The following POU4F2 variants were observed in gnomAD, a reference collection of about 807,000 sequenced individuals.
POU4F2 encodes the protein POU class 4 homeobox 2, also known as POU domain, class 4, transcription factor 2.
Under a neutral mutation model 21.5 loss-of-function variants are expected in POU4F2, and 10 were observed. That is an observed-to-expected ratio of 0.46 (90% CI 0.29 to 0.79). POU4F2 has a LOEUF of 0.79. Ranked by LOEUF, POU4F2 falls within the 30% of genes least tolerant of loss-of-function variation. The pLI is 0.10. For synonymous variants in POU4F2, 324 were observed against 271.1 expected, an observed-to-expected ratio of 1.20 and a Z score of -1.92; for missense variants, 623 against 603.3, an observed-to-expected ratio of 1.03 and a Z score of -0.34.
In POU4F2 at chr4:146,639,345, C is replaced by G. The variant is rs773402503; in HGVS notation, c.205C>G (p.Arg69Gly). The part of the protein sequence containing the change: ...GGGGGGGGGG[R>G]SSSSSSSGSS... ...CGGCGGCGGCGGCGGCGGCGGAGGC[C>G]GAAGCAGCAGCTCCAGCAGCAGTGG... Residue 69 changes from arginine (R) to glycine (G), a missense_variant, in exon 1 of 2, where the codon CGA becomes GGA. Around this residue, in one of 3 missense-constraint regions of POU4F2, gnomAD observed 523 missense variants for 504.1 expected, o/e 1.04. Coordinates refer to ENST00000281321, the MANE Select transcript of POU4F2 (RefSeq NM_004575.3). 4 of 1,325,496 alleles carry G rather than the reference C, an allele frequency of 3.0e-6. No homozygotes were observed. Among genetic ancestry groups the G allele is most frequent in the African/African-American group, 1.6e-5 (1 of 60,828 alleles). The allele number at this position is 1,325,496 out of a possible 1,614,324, so 82.1% of individuals were successfully genotyped here. A position where few individuals can be genotyped will look rare whatever the true frequency, so the allele number is the denominator to read the frequency against.
At position 146,639,172 on chromosome 4, in the gene POU4F2, CGTT is replaced by C; in HGVS notation, c.33_35del (p.Phe12del). On this transcript the variant is annotated inframe_deletion, in exon 1 of 2. Transcript: ENST00000281321. ...ATGATGTCCCTGAACAGCAAGCAGGCGTTTAGCATGCCGCACGGCGGCAGCCTG... is the reference window on the plus strand; with the variant it reads ...ATGATGTCCCTGAACAGCAAGCAGGCTAGCATGCCGCACGGCGGCAGCCTG... 6.2e-7 allele frequency: 1 copy of C among 1,607,550 alleles called. No homozygotes were observed. The highest frequency in any genetic ancestry group is 8.5e-7 in the Non-Finnish European group (1 of 1,177,630).
Position 146,640,356 on chromosome 4 carries a change from G to T in POU4F2, c.778G>T (p.Ala260Ser). The change falls in exon 2 of 2, where the codon GCA becomes TCA. Residue 260 changes from alanine to serine, a missense_variant. By Grantham distance (99) the Ala-to-Ser change is moderately conservative. Around this residue, in one of 3 missense-constraint regions of POU4F2, gnomAD observed 523 missense variants for 504.1 expected, o/e 1.04. Transcript: ENST00000281321. This position sits in a 1 kb window ranked among gnomAD's most constrained non-coding sequence, Gnocchi z 4.8. Reference protein sequence around the residue: ...DVDADPRDLEAFAERFKQRRI... With the variant: ...DVDADPRDLESFAERFKQRRI... ...GGACGCCGACCCGCGGGACCTGGAGGCATTCGCCGAGCGCTTCAAGCAGCG... is the reference window on the plus strand; with the variant it reads ...GGACGCCGACCCGCGGGACCTGGAGTCATTCGCCGAGCGCTTCAAGCAGCG... The T allele has an allele frequency of 1.9e-6, 3 of 1,594,564 alleles. No individual in the cohort carries two copies. The highest frequency in any genetic ancestry group is 3.4e-5 in the Admixed American group (2 of 59,268).
At position 146,640,768 on chromosome 4, in the gene POU4F2, G is replaced by A. The variant is rs1740873259; in HGVS notation, c.1190G>A (p.Arg397Lys). 3 of 1,612,078 alleles carry A rather than the reference G, an allele frequency of 1.9e-6. No homozygotes were observed. Among genetic ancestry groups the A allele is most frequent in the Non-Finnish European group, 2.5e-6 (3 of 1,179,456 alleles). The part of the protein sequence containing the change: ...NVVRVWFCNQ[R>K]QKQKRMKYSA... ...GTGCGCGTCTGGTTCTGCAACCAGAGGCAGAAACAGAAAAGAATGAAATAT... is the reference window on the plus strand; with the variant it reads ...GTGCGCGTCTGGTTCTGCAACCAGAAGCAGAAACAGAAAAGAATGAAATAT... The change falls in exon 2 of 2, where the codon AGG becomes AAG. Residue 397 changes from arginine to lysine, a missense_variant. Physicochemically the swap from Arg to Lys is conservative, Grantham distance 26. Transcript: ENST00000281321. The surrounding 1 kb of genome is among the most constrained non-coding windows in gnomAD (Gnocchi z 4.8).
rs1202913356 is a variant in POU4F2 at position 146,639,084 on chromosome 4, C to T, written c.-57C>T. The T allele has an allele frequency of 1.9e-6, 3 of 1,567,556 alleles. No homozygotes were observed. The East Asian group carries it at 7.3e-5, about 38-fold the overall frequency. On this transcript the variant is annotated 5_prime_UTR_variant, in exon 1 of 2. Transcript: ENST00000281321. The stretch of plus-strand genomic sequence containing the variant: ...GCTGGCCCGGCACTTCTCGGAGGGT[C>T]CCGGCAGCCGGGACCAGTGAGTGCC...
rs762211143 is a variant in POU4F2 at position 146,640,416 on chromosome 4, G to A, written c.838G>A (p.Gly280Ser). Reference protein sequence around the residue: ...IKLGVTQADVGSALANLKIPG... With the variant: ...IKLGVTQADVSSALANLKIPG... The stretch of plus-strand genomic sequence containing the variant: ...GCTGGGGGTGACCCAGGCAGATGTG[G>A]GCTCCGCGCTGGCCAACCTCAAGAT... The change falls in exon 2 of 2, where the codon GGC (glycine) becomes AGC (serine). Residue 280 changes from glycine (G) to serine (S), a missense_variant. Coordinates refer to ENST00000281321, the MANE Select transcript of POU4F2 (RefSeq NM_004575.3). This position sits in a 1 kb window ranked among gnomAD's most constrained non-coding sequence, Gnocchi z 4.8. 6.2e-7 allele frequency: 1 copy of A among 1,611,680 alleles called. No homozygotes were observed. Among genetic ancestry groups the A allele is most frequent in the Non-Finnish European group, 8.5e-7 (1 of 1,179,674 alleles).
Position 146,639,336 on chromosome 4 carries a change from G to GGCT in POU4F2, c.198_199insTGC (p.Gly66_Gly67insCys). On this transcript the variant is annotated inframe_insertion, in exon 1 of 2. Transcript: ENST00000281321. Reference sequence around the variant, plus strand: ...CGGCGGCGGCGGCGGCGGCGGCGGCGGCGGAGGCCGAAGCAGCAGCTCCAG... The same window carrying GGCT: ...CGGCGGCGGCGGCGGCGGCGGCGGCGGCTGCGGAGGCCGAAGCAGCAGCTCCAG... 7.2e-7 allele frequency: 1 copy of GGCT among 1,393,938 alleles called. No homozygotes were observed. Among genetic ancestry groups the GGCT allele is most frequent in the Non-Finnish European group, 9.6e-7 (1 of 1,043,256 alleles). 86.3% of individuals were successfully genotyped at this position (1,393,938 alleles called of 1,614,324 possible).
chr4:146,639,139 AGAT>A lies in POU4F2; in HGVS notation c.10_12del (p.Met4?), dbSNP rs1314373609. ...CGGACCAGCGCCCCGGCGGGCGGGA[AGAT>A]GATGATGATGTCCCTGAACAGCAAG... On this transcript the variant is annotated start_lost and 5_prime_UTR_variant, in exon 1 of 2. Coordinates refer to ENST00000281321, the MANE Select transcript of POU4F2 (RefSeq NM_004575.3). 9 of 1,602,762 alleles carry A rather than the reference AGAT, an allele frequency of 5.6e-6. No individual in the cohort carries two copies. Among genetic ancestry groups the A allele is most frequent in the South Asian group, 3.3e-5 (3 of 89,606 alleles).
chr4:146,639,191 C>A lies in POU4F2; in HGVS notation c.51C>A (p.Gly17=). The part of the protein sequence containing the change: ...NSKQAFSMPH[G]GSLHVEPKYS... Reference sequence around the variant, plus strand: ...AGCAGGCGTTTAGCATGCCGCACGGCGGCAGCCTGCACGTGGAGCCCAAGT... The same window carrying A: ...AGCAGGCGTTTAGCATGCCGCACGGAGGCAGCCTGCACGTGGAGCCCAAGT... Residue 17 remains glycine, a synonymous_variant, in exon 1 of 2, where the codon GGC becomes GGA. Coordinates refer to ENST00000281321, the MANE Select transcript of POU4F2 (RefSeq NM_004575.3). The A allele has an allele frequency of 6.2e-7, 1 of 1,606,796 alleles. No homozygotes were observed. The highest frequency in any genetic ancestry group is 1.1e-5 in the South Asian group (1 of 90,126).
In POU4F2 at chr4:146,640,628, G is replaced by T. The variant is rs371952832; in HGVS notation, c.1050G>T (p.Thr350=). 15 of 1,614,258 alleles carry T rather than the reference G, an allele frequency of 9.3e-6. No homozygotes were observed. In the East Asian group the frequency reaches 2.9e-4, roughly 31 times the overall value. The change falls in exon 2 of 2, where the codon ACG becomes ACT. Residue 350 remains threonine, a synonymous_variant. Transcript: ENST00000281321. The surrounding 1 kb of genome is among the most constrained non-coding windows in gnomAD (Gnocchi z 4.8). ...GCGCGGAGAAGAAGCGCAAGCGCAC[G>T]TCCATCGCTGCGCCAGAGAAGCGCT... ...FNGAEKKRKR[T]SIAAPEKRSL...
chr4:146,639,119 C>T lies in POU4F2; in HGVS notation c.-22C>T, dbSNP rs1256900019. ...GGGACCAGTGAGTGCCTCTACGGAC[C>T]AGCGCCCCGGCGGGCGGGAAGATGA... On this transcript the variant is annotated 5_prime_UTR_variant, in exon 1 of 2. Coordinates refer to ENST00000281321, the MANE Select transcript of POU4F2 (RefSeq NM_004575.3). 2 of 1,599,900 alleles carry T rather than the reference C, an allele frequency of 1.3e-6. No homozygotes were observed. The highest frequency in any genetic ancestry group is 1.1e-5 in the South Asian group (1 of 89,234).
In POU4F2 at chr4:146,639,385, G is replaced by C. The variant is rs891042114; in HGVS notation, c.245G>C (p.Gly82Ala). 21 of 1,470,492 alleles carry C rather than the reference G, an allele frequency of 1.4e-5. No individual in the cohort carries two copies. Among genetic ancestry groups the C allele is most frequent in the Non-Finnish European group, 1.8e-5 (20 of 1,119,514 alleles). The allele number at this position is 1,470,492 out of a possible 1,614,324, so 91.1% of individuals were successfully genotyped here. ...SSSSSGSSGG[G>A]GSEAMRRACL... ...AGCAGCAGTGGCAGCAGCGGCGGCG[G>C]GGGCTCGGAGGCTATGCGGAGAGCC... Residue 82 changes from glycine to alanine, a missense_variant, in exon 1 of 2, where the codon GGG (glycine) becomes GCG (alanine). Around this residue, in one of 3 missense-constraint regions of POU4F2, gnomAD observed 523 missense variants for 504.1 expected, o/e 1.04. Coordinates refer to ENST00000281321, the MANE Select transcript of POU4F2 (RefSeq NM_004575.3).
In POU4F2 at chr4:146,639,352, G is replaced by A; in HGVS notation, c.212G>A (p.Ser71Asn). Residue 71 changes from serine (S) to asparagine (N), a missense_variant, in exon 1 of 2, where the codon AGC becomes AAC. By Grantham distance (46) the Ser-to-Asn change is conservative (BLOSUM62 1). Around this residue, in one of 3 missense-constraint regions of POU4F2, gnomAD observed 523 missense variants for 504.1 expected, o/e 1.04. Transcript: ENST00000281321. ...GGCGGCGGCGGCGGAGGCCGAAGCA[G>A]CAGCTCCAGCAGCAGTGGCAGCAGC... ...GGGGGGGGRS[S>N]SSSSSGSSGG... is the part of the protein sequence containing the mutation. The A allele has an allele frequency of 6.7e-7, 1 of 1,491,138 alleles. No homozygotes were observed. Among genetic ancestry groups the A allele is most frequent in the South Asian group, 1.4e-5 (1 of 71,882 alleles). 92.4% of individuals were successfully genotyped at this position (1,491,138 alleles called of 1,614,324 possible).
chr4:146,639,130 C>T lies in POU4F2; in HGVS notation c.-11C>T, dbSNP rs539481195. ...GTGCCTCTACGGACCAGCGCCCCGGCGGGCGGGAAGATGATGATGATGTCC... is the reference window on the plus strand; with the variant it reads ...GTGCCTCTACGGACCAGCGCCCCGGTGGGCGGGAAGATGATGATGATGTCC... On this transcript the variant is annotated 5_prime_UTR_variant, in exon 1 of 2. Transcript: ENST00000281321. The T allele has an allele frequency of 8.1e-6, 13 of 1,600,292 alleles. No homozygotes were observed. Among genetic ancestry groups the T allele is most frequent in the Non-Finnish European group, 1.1e-5 (13 of 1,174,484 alleles).
At chr4:146,639,698 C>G (rs1184857080) in intron 1 of POU4F2, among the ~76,000 whole-genome samples, 169 bp from the exon 2 acceptor site, 2 of 151,940 alleles carry the variant, frequency 1.3e-5, no homozygotes, top group African/African-American at 4.8e-5. Context: ...TCTGTGGCTT[C>G]CCTCTTTTTC....
chr4:146,640,075 C>T lies in POU4F2; in HGVS notation c.497C>T (p.Ala166Val), dbSNP rs753186078. ...SSSVPISHPSALAGTHHHHHH... is the reference protein window; with the variant it reads ...SSSVPISHPSVLAGTHHHHHH... ...TCGGTGCCCATCTCGCACCCTTCCGCGTTGGCGGGCACGCACCACCACCAC... is the reference window on the plus strand; with the variant it reads ...TCGGTGCCCATCTCGCACCCTTCCGTGTTGGCGGGCACGCACCACCACCAC... The change falls in exon 2 of 2, where the codon GCG (alanine) becomes GTG (valine). Residue 166 changes from alanine (A) to valine (V), a missense_variant. Physicochemically the swap from Ala to Val is moderately conservative, Grantham distance 64. This residue lies in a region of POU4F2 where 523 missense variants were observed against 504.1 expected (regional missense o/e 1.04). Coordinates refer to ENST00000281321, the MANE Select transcript of POU4F2 (RefSeq NM_004575.3). This position sits in a 1 kb window ranked among gnomAD's most constrained non-coding sequence, Gnocchi z 4.8. The T allele has an allele frequency of 4.4e-6, 7 of 1,606,158 alleles. No homozygotes were observed. Among genetic ancestry groups the T allele is most frequent in the Middle Eastern group, 1.7e-4 (1 of 6,060 alleles).
chr4:146,639,898 T>C lies in POU4F2; in HGVS notation c.320T>C (p.Leu107Pro), dbSNP rs747618017. 2.0e-4 allele frequency: 310 copies of C among 1,569,062 alleles called. No homozygotes were observed. The highest frequency in any genetic ancestry group is 2.6e-4 in the Non-Finnish European group (300 of 1,155,870). The change falls in exon 2 of 2, where the codon CTG becomes CCG. Residue 107 changes from leucine to proline, a missense_variant. Physicochemically the swap from Leu to Pro is moderately conservative, Grantham distance 98. Around this residue, in one of 3 missense-constraint regions of POU4F2, gnomAD observed 523 missense variants for 504.1 expected, o/e 1.04. Transcript: ENST00000281321. ...SNIFGGLDES[L>P]LARAEALAAV... ...ATATTCGGCGGGCTGGATGAGAGTC[T>C]GCTGGCCCGCGCCGAGGCTCTGGCA...
In POU4F2 at chr4:146,640,556, C is replaced by T. The variant is rs758460226; in HGVS notation, c.978C>T (p.Ala326=). Residue 326 remains alanine, a synonymous_variant, in exon 2 of 2, where the codon GCC becomes GCT. Transcript: ENST00000281321. This position sits in a 1 kb window ranked among gnomAD's most constrained non-coding sequence, Gnocchi z 4.8. ...TCCTGCAGGCATGGCTCGAGGAGGCCGAGAAGTCCCACCGCGAGAAGCTCA... is the reference window on the plus strand; with the variant it reads ...TCCTGCAGGCATGGCTCGAGGAGGCTGAGAAGTCCCACCGCGAGAAGCTCA... ...KPILQAWLEE[A]EKSHREKLTK... is the part of the protein sequence containing the mutation. 1.9e-5 allele frequency: 31 copies of T among 1,613,506 alleles called. No individual in the cohort carries two copies. Among genetic ancestry groups the T allele is most frequent in the African/African-American group, 2.7e-5 (2 of 74,922 alleles).
rs754012836 is a variant in POU4F2 at position 146,640,168 on chromosome 4, G to T, written c.590G>T (p.Ser197Ile). The change falls in exon 2 of 2, where the codon AGT becomes ATT. Residue 197 changes from serine to isoleucine, a missense_variant. Around this residue, in one of 3 missense-constraint regions of POU4F2, gnomAD observed 523 missense variants for 504.1 expected, o/e 1.04. Transcript: ENST00000281321. This position sits in a 1 kb window ranked among gnomAD's most constrained non-coding sequence, Gnocchi z 4.8. ...ALEGELLEHL[S>I]PGLALGAMAG... The stretch of plus-strand genomic sequence containing the variant: ...GAGGGCGAGCTGCTGGAGCACCTGA[G>T]TCCCGGGCTGGCCCTGGGCGCTATG... The T allele has an allele frequency of 3.8e-6, 6 of 1,591,608 alleles. No individual in the cohort carries two copies. The highest frequency in any genetic ancestry group is 5.1e-6 in the Non-Finnish European group (6 of 1,175,390).
chr4:146,639,739 T>C, intron 1 of POU4F2, 128 bp from the exon 2 acceptor site: 1 of 999,746 alleles, frequency 1.0e-6, no homozygotes, highest in Non-Finnish European at 1.4e-6. Flanking sequence ...ATTATTATTA[T>C]TATTATTTTA....
Sources: gnomAD v4.1 joint callset for allele counts (sites outside exome capture counted in the v4.1 genomes callset) on GRCh38, gnomAD v4.1.1 for gene constraint, gnomAD v4.1.1 regional missense constraint, Gnocchi (gnomAD v3.1) non-coding constraint, MANE v1.5 for transcripts, NCBI Gene and HGNC (gene_info 2026-07-23, HGNC 2026-07-21) for gene names.